The following IL1R1 variants were observed in gnomAD, a reference collection of about 807,000 sequenced individuals.
IL1R1 encodes interleukin-1 receptor type 1.
In IL1R1, 22 loss-of-function variants were observed where a neutral mutation model predicts 50.2. That is an observed-to-expected ratio of 0.44 (90% CI 0.31 to 0.63). The LOEUF is 0.63. IL1R1 is among the 20% of genes least tolerant of loss of function. IL1R1 has a pLI of 0.07. For synonymous variants in IL1R1, 251 were observed against 236.7 expected, an observed-to-expected ratio of 1.06 and a Z score of -0.55; for missense variants, 509 against 676.2, an observed-to-expected ratio of 0.75 and a Z score of 2.74.
intron 1 of IL1R1, among the ~76,000 whole-genome samples, chr2:102,121,160 A>C (rs1236320858): frequency 6.6e-6 from 1 of 152,082 alleles, no homozygotes; most frequent in Admixed American, 6.6e-5. Flanking sequence ...CAGCCTGTGC[A>C]CTGTATGCCA....
intron 1 of IL1R1, among the ~76,000 whole-genome samples, chr2:102,121,315 C>G (rs887637320): frequency 6.6e-6 from 1 of 152,246 alleles, no homozygotes; most frequent in Non-Finnish European, 1.5e-5. Flanking sequence ...TTCTATCCCC[C>G]TCCTCGGTGC....
chr2:102,103,692 A>G (rs931925559), upstream of IL1R1, among the ~76,000 whole-genome samples: 1 of 152,194 alleles, frequency 6.6e-6, no homozygotes, highest in South Asian at 2.1e-4. Context: ...AGGAGGAGCT[A>G]TGAGAGAAAT....
At chr2:102,095,286 A>G (rs1679848989) in intron 1 of IL1R1, among the ~76,000 whole-genome samples, 1 of 152,254 alleles carries the variant, frequency 6.6e-6, no homozygotes, top group African/African-American at 2.4e-5. Flanking sequence ...AAGAGATTGC[A>G]GTGATGATAA....
chr2:102,072,221 T>C (rs575373674), intron 1 of IL1R1, among the ~76,000 whole-genome samples: 139 of 151,168 alleles, frequency 9.2e-4, no homozygotes, highest in East Asian at 3.7e-3. Flanking sequence ...GATTGTGCCA[T>C]TGCACTCCAG....
At chr2:102,071,077 G>A (rs778746917) in intron 1 of IL1R1, among the ~76,000 whole-genome samples, 4 of 151,950 alleles carry the variant, frequency 2.6e-5, no homozygotes, top group Non-Finnish European at 5.9e-5. Context: ...TGAAGACTAG[G>A]CATCATTATG....
intron 1 of IL1R1, among the ~76,000 whole-genome samples, chr2:102,095,234 G>A (rs1679847140): frequency 6.6e-6 from 1 of 152,056 alleles, no homozygotes; most frequent in African/African-American, 2.4e-5. Flanking sequence ...GATAGTGATG[G>A]GAAAAGGATA....
intron 1 of IL1R1, among the ~76,000 whole-genome samples, chr2:102,099,149 A>G (rs1680027952): frequency 6.6e-6 from 1 of 152,212 alleles, no homozygotes; most frequent in Admixed American, 6.6e-5. Context: ...GGAGTTAAAC[A>G]AAGTCTGTAG....
intron 1 of IL1R1, among the ~76,000 whole-genome samples, chr2:102,107,759 G>T (rs986906752): frequency 6.6e-6 from 1 of 152,144 alleles, no homozygotes; most frequent in African/African-American, 2.4e-5. Flanking sequence ...GCCCCTTTGG[G>T]TTCAGCCTCT....
chr2:102,093,349 T>G (rs1395648809), intron 1 of IL1R1, among the ~76,000 whole-genome samples: 1 of 152,216 alleles, frequency 6.6e-6, no homozygotes, highest in Non-Finnish European at 1.5e-5. Flanking sequence ...TTCATTTCTT[T>G]GGGGTATTTT....
intron 3 of IL1R1, among the ~76,000 whole-genome samples, chr2:102,163,052 C>T (rs1684868611): frequency 6.6e-6 from 1 of 152,084 alleles, no homozygotes; most frequent in African/African-American, 2.4e-5. Flanking sequence ...TCTTTCAGTA[C>T]TTTAACGATA....
chr2:102,134,525 T>G (rs1403984260), intron 1 of IL1R1, among the ~76,000 whole-genome samples: 1 of 152,066 alleles, frequency 6.6e-6, no homozygotes, highest in Non-Finnish European at 1.5e-5. Flanking sequence ...ATTACAGGCA[T>G]GTGCCACCAC....
intron 1 of IL1R1, among the ~76,000 whole-genome samples, chr2:102,126,775 C>G (rs1187056677): frequency 1.3e-5 from 2 of 152,156 alleles, no homozygotes; most frequent in Non-Finnish European, 2.9e-5. Flanking sequence ...AGATTCTGCT[C>G]AGGTAGGGCT....
intron 1 of IL1R1, among the ~76,000 whole-genome samples, chr2:102,125,346 G>A (rs965246037): frequency 1.3e-5 from 2 of 152,210 alleles, no homozygotes; most frequent in African/African-American, 2.4e-5. Flanking sequence ...TGCATCAAGA[G>A]TAATTCTAGC....
At chr2:102,095,681 C>T (rs1289853823) in intron 1 of IL1R1, among the ~76,000 whole-genome samples, 1 of 152,156 alleles carries the variant, frequency 6.6e-6, no homozygotes, top group Non-Finnish European at 1.5e-5. Context: ...TTTATGTTTG[C>T]ATATAAAAAA....
At chr2:102,150,773 G>C (rs1425396359) in intron 1 of IL1R1, among the ~76,000 whole-genome samples, 1 of 152,224 alleles carries the variant, frequency 6.6e-6, no homozygotes, top group African/African-American at 2.4e-5. Flanking sequence ...CTGGACATCA[G>C]CATCTCAGCA....
chr2:102,160,359 C>G (rs554251980), intron 3 of IL1R1, among the ~76,000 whole-genome samples: 1 of 151,858 alleles, frequency 6.6e-6, no homozygotes, highest in East Asian at 1.9e-4. Flanking sequence ...CTTCATTGTT[C>G]TTCTGTTTTC....
intron 1 of IL1R1, among the ~76,000 whole-genome samples, chr2:102,095,241 G>T (rs765136461): frequency 9.2e-5 from 14 of 152,128 alleles, no homozygotes; most frequent in Non-Finnish European, 2.1e-4. Context: ...ATGGGAAAAG[G>T]ATAAAACAAA....
chr2:102,150,754 T>C (rs2104487615), intron 1 of IL1R1, among the ~76,000 whole-genome samples: 1 of 152,282 alleles, frequency 6.6e-6, no homozygotes, highest in East Asian at 1.9e-4. Context: ...TCTGGCTGAC[T>C]CCCTGGGTCT....
At chr2:102,107,266 G>T (rs1395319641) in intron 1 of IL1R1, among the ~76,000 whole-genome samples, 1 of 152,084 alleles carries the variant, frequency 6.6e-6, no homozygotes, top group African/African-American at 2.4e-5. Context: ...TGATAGACTG[G>T]ATTAAGAAAA....
Sources: allele counts gnomAD v4.1 joint callset (sites outside exome capture counted in the v4.1 genomes callset), GRCh38; gene constraint gnomAD v4.1.1; transcripts MANE v1.5; gene names NCBI Gene and HGNC (gene_info 2026-07-23, HGNC 2026-07-21).